DPP10: variants seen among roughly 807,000 people sequenced by gnomAD.
The protein encoded by DPP10 is dipeptidyl peptidase like 10.
In DPP10, 33 loss-of-function variants were observed where a neutral mutation model predicts 120.9. The observed-to-expected ratio is 0.27, with a 90% CI of 0.21 to 0.37. DPP10 has a LOEUF of 0.37. Among genes scored for constraint, DPP10 ranks in the 10% least tolerant of loss-of-function variants. The probability of loss-of-function intolerance (pLI) is 1.00; values close to 1 mark genes in which losing one functional copy is unlikely to be tolerated. For synonymous variants in DPP10, 337 were observed against 326.1 expected (o/e 1.03, Z -0.36); for missense variants, 816 against 942.8 (o/e 0.87, Z 1.76).
chr2:114,541,123 G>A (rs528591360), intron 1 of DPP10, among the ~76,000 whole-genome samples: 2 of 152,242 alleles, frequency 1.3e-5, no homozygotes, highest in South Asian at 4.1e-4. Context: ...AGCTTCTCTG[G>A]CAGGGGTTGT....
intron 1 of DPP10, among the ~76,000 whole-genome samples, chr2:115,049,883 G>T (rs1171886588): frequency 6.6e-6 from 1 of 152,112 alleles, no homozygotes; most frequent in Non-Finnish European, 1.5e-5. Flanking sequence ...AGGCTAGGGA[G>T]AAAATGAGAC....
intron 1 of DPP10, among the ~76,000 whole-genome samples, chr2:115,203,264 A>G (rs1321058945): frequency 1.3e-5 from 2 of 151,972 alleles, no homozygotes; most frequent in African/African-American, 4.8e-5. Flanking sequence ...TGGTCTTACT[A>G]TGTTTTTCCC....
chr2:115,752,863 T>G (rs1575680666), intron 10 of DPP10, among the ~76,000 whole-genome samples: 1 of 152,262 alleles, frequency 6.6e-6, no homozygotes, highest in East Asian at 1.9e-4. Context: ...ATGTCATTGT[T>G]TTGATTTTTC....
At chr2:114,933,795 C>T (rs1696256469) in intron 1 of DPP10, among the ~76,000 whole-genome samples, 1 of 152,152 alleles carries the variant, frequency 6.6e-6, no homozygotes. Context: ...GCCCTACCCA[C>T]AGAATTTCTG....
chr2:115,172,363 G>A (rs1388404891), intron 1 of DPP10, among the ~76,000 whole-genome samples: 29 of 148,610 alleles, frequency 2.0e-4, no homozygotes, highest in African/African-American at 2.0e-4. Context: ...TAGCCTGGGC[G>A]ACAGAGTGAG....
chr2:115,384,103 C>T (rs1466075058), intron 3 of DPP10, among the ~76,000 whole-genome samples: 1 of 152,170 alleles, frequency 6.6e-6, no homozygotes, highest in Non-Finnish European at 1.5e-5. Flanking sequence ...TTGAAGTCAC[C>T]TCAGATATAA....
At chr2:115,037,543 G>A (rs1246580271) in intron 1 of DPP10, among the ~76,000 whole-genome samples, 2 of 152,148 alleles carry the variant, frequency 1.3e-5, no homozygotes, top group Admixed American at 6.6e-5. Flanking sequence ...TATTTCTTAT[G>A]CAGTGATTTT....
At chr2:115,370,412 G>A (rs1354125478) in intron 3 of DPP10, among the ~76,000 whole-genome samples, 1 of 152,108 alleles carries the variant, frequency 6.6e-6, no homozygotes, top group African/African-American at 2.4e-5. Context: ...TGTAGTGTAT[G>A]TATGAGGATT....
At chr2:115,414,311 G>A (rs1421442056) in intron 3 of DPP10, among the ~76,000 whole-genome samples, 7 of 152,136 alleles carry the variant, frequency 4.6e-5, no homozygotes, top group African/African-American at 1.4e-4. Context: ...CGACAGAGCC[G>A]AGTCTAGATG....
At chr2:114,875,682 G>C (rs1235723880) in intron 1 of DPP10, among the ~76,000 whole-genome samples, 1 of 152,054 alleles carries the variant, frequency 6.6e-6, no homozygotes, top group Non-Finnish European at 1.5e-5. Context: ...TAAGAAATTA[G>C]CATAAGTTAA....
At position 115,724,581 on chromosome 2, in the gene DPP10, C is replaced by G. The variant is rs115387939; in HGVS notation, c.577-3235C>G. On this transcript the variant is annotated intron_variant, in intron 7 of 25. Transcript: ENST00000410059. Reference sequence around the variant, plus strand: ...GAATTATTTTATGGGTAGAGTAAGACCATTGATTTTGAAAAACTGGAAGTT... The same window carrying G: ...GAATTATTTTATGGGTAGAGTAAGAGCATTGATTTTGAAAAACTGGAAGTT... Among the ~76,000 whole-genome samples, 707 of 151,894 alleles carry G rather than the reference C, an allele frequency of 4.7e-3. 5 individuals are homozygous for G. The highest frequency in any genetic ancestry group is 0.016 in the African/African-American group (682 of 41,406).
chr2:114,622,504 G>T (rs1273701641), intron 1 of DPP10, among the ~76,000 whole-genome samples: 1 of 150,860 alleles, frequency 6.6e-6, no homozygotes, highest in African/African-American at 2.4e-5. Flanking sequence ...AGAATCCGTT[G>T]CTTTTTTGCT....
intron 1 of DPP10, among the ~76,000 whole-genome samples, chr2:115,127,702 T>A (rs1267017879): frequency 6.6e-6 from 1 of 152,224 alleles, no homozygotes; most frequent in African/African-American, 2.4e-5. Context: ...AAAGACTACA[T>A]CTTTGTCATC....
chr2:114,722,096 G>A (rs1701736275), intron 1 of DPP10, among the ~76,000 whole-genome samples: 1 of 152,180 alleles, frequency 6.6e-6, no homozygotes, highest in Admixed American at 6.5e-5. Context: ...GAAGATTATA[G>A]ATGTTACTGA....
intron 1 of DPP10, among the ~76,000 whole-genome samples, chr2:114,800,124 T>C (rs964765857): frequency 6.6e-6 from 1 of 152,174 alleles, no homozygotes; most frequent in African/African-American, 2.4e-5. Flanking sequence ...TCGAACCACA[T>C]GGTATGTGGC....
At chr2:115,389,147 C>T (rs775044553) in intron 3 of DPP10, among the ~76,000 whole-genome samples, 2 of 152,016 alleles carry the variant, frequency 1.3e-5, no homozygotes, top group Non-Finnish European at 2.9e-5. Flanking sequence ...TCTATGATTC[C>T]TTGACTCCTA....
At chr2:114,934,860 T>C (rs1696340782) in intron 1 of DPP10, among the ~76,000 whole-genome samples, 1 of 152,146 alleles carries the variant, frequency 6.6e-6, no homozygotes, top group Non-Finnish European at 1.5e-5. Context: ...CATTTTTATA[T>C]TGCAAATATC....
intron 1 of DPP10, among the ~76,000 whole-genome samples, chr2:115,016,042 G>C (rs182292958): frequency 3.9e-5 from 6 of 152,206 alleles, no homozygotes; most frequent in African/African-American, 1.4e-4. Flanking sequence ...ATATAGCCAA[G>C]ACAATCCTAA....
At chr2:115,835,721 T>G (rs1368191836) in intron 21 of DPP10, among the ~76,000 whole-genome samples, 2 of 152,174 alleles carry the variant, frequency 1.3e-5, no homozygotes, top group African/African-American at 4.8e-5. Context: ...TTTCAAAATT[T>G]CATTATTTCT....
Sources: gnomAD v4.1 joint callset for allele counts (sites outside exome capture counted in the v4.1 genomes callset) on GRCh38, gnomAD v4.1.1 for gene constraint, MANE v1.5 for transcripts, NCBI Gene and HGNC (gene_info 2026-07-23, HGNC 2026-07-21) for gene names.